The following CAMK1D variants were observed in gnomAD, a reference collection of about 807,000 sequenced individuals.
CAMK1D encodes calcium/calmodulin dependent protein kinase ID, also known as calcium/calmodulin-dependent protein kinase type 1D.
Under a neutral mutation model 47.7 loss-of-function variants are expected in CAMK1D, and 9 were observed. That is an observed-to-expected ratio of 0.19 (90% confidence interval 0.11 to 0.33). The LOEUF (loss-of-function observed/expected upper bound fraction) is 0.33. CAMK1D is among the 10% of genes least tolerant of loss of function. The pLI, the probability that CAMK1D is intolerant of heterozygous loss-of-function variation, is 1.00. For synonymous variants in CAMK1D, 184 were observed against 184.9 expected (o/e 0.99, Z 0.04); for missense variants, 291 against 488.7 (o/e 0.60, Z 3.81).
intron 6 of CAMK1D, among the ~76,000 whole-genome samples, chr10:12,793,814 C>T (rs888285375): frequency 2.6e-5 from 4 of 152,212 alleles, no homozygotes; most frequent in Admixed American, 6.5e-5. Flanking sequence ...AGGCAGGAAA[C>T]GTGTTGGCAG....
chr10:12,730,579 G>T (rs1834842373), intron 3 of CAMK1D, among the ~76,000 whole-genome samples: 1 of 152,180 alleles, frequency 6.6e-6, no homozygotes, highest in Admixed American at 6.5e-5. Flanking sequence ...CACCAAGGTA[G>T]TGAGAGTAGA....
chr10:12,460,672 C>T (rs1833396485), intron 1 of CAMK1D, among the ~76,000 whole-genome samples: 1 of 152,156 alleles, frequency 6.6e-6, no homozygotes, highest in Non-Finnish European at 1.5e-5. Flanking sequence ...TCATGATCCA[C>T]CCACCTCGGC....
chr10:12,494,433 T>C (rs778766579), intron 1 of CAMK1D, among the ~76,000 whole-genome samples: 2 of 152,134 alleles, frequency 1.3e-5, no homozygotes, highest in African/African-American at 4.8e-5. Context: ...CACACACACA[T>C]ATATACTTAT....
chr10:12,380,907 G>A (rs1838321454), intron 1 of CAMK1D, among the ~76,000 whole-genome samples: 1 of 152,140 alleles, frequency 6.6e-6, no homozygotes, highest in Admixed American at 6.6e-5. Context: ...GTTAATTGAA[G>A]GCTCACACAT....
chr10:12,763,199 G>A (rs971129469), intron 4 of CAMK1D, among the ~76,000 whole-genome samples: 3 of 152,108 alleles, frequency 2.0e-5, no homozygotes, highest in Non-Finnish European at 2.9e-5. Context: ...TCTTTTCAGA[G>A]GCACAAAGGA....
intron 2 of CAMK1D, among the ~76,000 whole-genome samples, chr10:12,557,280 C>T (rs1485434842): frequency 2.6e-5 from 4 of 152,116 alleles, no homozygotes; most frequent in Non-Finnish European, 4.4e-5. Context: ...CCGGGTGCCA[C>T]GGCTCACGCC....
intron 1 of CAMK1D, among the ~76,000 whole-genome samples, chr10:12,401,098 T>C (rs1588444436): frequency 1.3e-5 from 1 of 75,982 alleles, no homozygotes. Context: ...ATATATATTA[T>C]ATATATATTT....
chr10:12,349,811 C>T lies in CAMK1D; in HGVS notation c.-8C>T, dbSNP rs372545051. The stretch of plus-strand genomic sequence containing the variant: ...CCCGGCCGCTCCTCCGCGCCGCGCT[C>T]GTCGGCCATGGCCCGGGAGAACGGC... On this transcript the variant is annotated 5_prime_UTR_variant, in exon 1 of 11. Coordinates refer to ENST00000619168, the MANE Select transcript of CAMK1D (RefSeq NM_153498.4). 2.9e-5 allele frequency: 42 copies of T among 1,426,312 alleles called. No individual in the cohort carries two copies. Among genetic ancestry groups the T allele is most frequent in the East Asian group, 1.0e-4 (3 of 30,014 alleles). 88.4% of individuals were successfully genotyped at this position (1,426,312 alleles called of 1,614,324 possible). A position where few individuals can be genotyped will look rare whatever the true frequency, so the allele number is the denominator to read the frequency against.
chr10:12,522,515 C>T (rs1431648124), intron 1 of CAMK1D, among the ~76,000 whole-genome samples: 5 of 151,668 alleles, frequency 3.3e-5, no homozygotes, highest in African/African-American at 9.7e-5. Flanking sequence ...GGGTTGGGGG[C>T]AAGGTCATAG....
chr10:12,382,739 CT>C (rs1207033340), intron 1 of CAMK1D, among the ~76,000 whole-genome samples: 1 of 152,080 alleles, frequency 6.6e-6, no homozygotes, highest in Non-Finnish European at 1.5e-5. Context: ...GCAGGAGAAT[CT>C]TTTGAACTCG....
intron 6 of CAMK1D, among the ~76,000 whole-genome samples, chr10:12,801,551 A>G (rs1838483114): frequency 6.6e-6 from 1 of 151,600 alleles, no homozygotes; most frequent in African/African-American, 2.4e-5. Context: ...CCATCCACCC[A>G]TCCATCCATT....
intron 1 of CAMK1D, among the ~76,000 whole-genome samples, chr10:12,400,589 A>G (rs943563297): frequency 2.0e-5 from 3 of 152,128 alleles, no homozygotes; most frequent in African/African-American, 7.2e-5. Flanking sequence ...ACAAATTTTA[A>G]TCCCTACTAA....
intron 1 of CAMK1D, among the ~76,000 whole-genome samples, chr10:12,532,540 A>G (rs1396357085): frequency 6.6e-6 from 1 of 152,076 alleles, no homozygotes; most frequent in African/African-American, 2.4e-5. Context: ...CGGCCTCCCA[A>G]AGTGCTGGGA....
intron 2 of CAMK1D, among the ~76,000 whole-genome samples, chr10:12,652,445 G>A (rs1461487232): frequency 4.4e-4 from 61 of 139,636 alleles, no homozygotes; most frequent in Middle Eastern, 3.7e-3. Flanking sequence ...AAAAAAAGCC[G>A]GGCGTGGTGG....
At position 12,402,492 on chromosome 10, in the gene CAMK1D, A is replaced by T. The variant is rs1436198397; in HGVS notation, c.92+52582A>T. On this transcript the variant is annotated intron_variant, in intron 1 of 10. Coordinates refer to ENST00000619168, the MANE Select transcript of CAMK1D (RefSeq NM_153498.4). ...AGTGACCCGCCTGCCTCGGCCTCCC[A>T]AGTGGGACTTTTTATGCCACACTTA... 2.0e-5 allele frequency among the ~76,000 whole-genome samples: 3 copies of T among 152,192 alleles called. No homozygotes were observed. In the East Asian group the frequency reaches 5.8e-4, roughly 29 times the overall value.
chr10:12,713,479 C>T (rs761636140), intron 3 of CAMK1D, among the ~76,000 whole-genome samples: 22 of 152,082 alleles, frequency 1.4e-4, no homozygotes, highest in Non-Finnish European at 2.9e-4. Context: ...CATTTGAGGC[C>T]GGAATGGTCT....
intron 1 of CAMK1D, among the ~76,000 whole-genome samples, chr10:12,462,879 C>T (rs1232187617): frequency 6.6e-6 from 1 of 152,140 alleles, no homozygotes; most frequent in Non-Finnish European, 1.5e-5. Flanking sequence ...TATTTCTAAC[C>T]CGTTAAGGTA....
At chr10:12,623,921 A>G (rs1235597955) in intron 2 of CAMK1D, among the ~76,000 whole-genome samples, 1 of 152,110 alleles carries the variant, frequency 6.6e-6, no homozygotes, top group Non-Finnish European at 1.5e-5. Context: ...TCTACTAAAA[A>G]TACAAAAATT....
chr10:12,386,165 G>A (rs1177124564), intron 1 of CAMK1D, among the ~76,000 whole-genome samples: 2 of 152,332 alleles, frequency 1.3e-5, no homozygotes, highest in African/African-American at 4.8e-5. Context: ...AGAGCCAAGC[G>A]TGATGGCTCC....
Sources: gnomAD v4.1 joint callset for allele counts (sites outside exome capture counted in the v4.1 genomes callset) on GRCh38, gnomAD v4.1.1 for gene constraint, MANE v1.5 for transcripts, NCBI Gene and HGNC (gene_info 2026-07-23, HGNC 2026-07-21) for gene names.